Variants in ZNF641 observed in about 807,000 individuals in gnomAD.
ZNF641 encodes the protein zinc finger protein 641.
In ZNF641, 26 loss-of-function variants were observed where a neutral mutation model predicts 46.2. The ratio of observed to expected loss-of-function variants is 0.56; its 90% CI spans 0.41 to 0.78. The LOEUF is 0.78. Ranked by LOEUF, ZNF641 falls within the 30% of genes least tolerant of loss-of-function variation. The probability of loss-of-function intolerance (pLI) is 0.00; values close to 1 mark genes in which losing one functional copy is unlikely to be tolerated. For synonymous variants in ZNF641, 163 were observed against 187.9 expected (o/e 0.87, Z 1.09); for missense variants, 469 against 517.8 (o/e 0.91, Z 0.91).
chr12:48,342,760 TC>T lies in ZNF641; in HGVS notation c.*212del. 7.1e-7 allele frequency: 1 copy of T among 1,399,134 alleles called. No individual in the cohort carries two copies. The highest frequency in any genetic ancestry group is 9.3e-7 in the Non-Finnish European group (1 of 1,079,420). The allele number at this position is 1,399,134 out of a possible 1,614,324, so 86.7% of individuals were successfully genotyped here. A position where few individuals can be genotyped will look rare whatever the true frequency, so the allele number is the denominator to read the frequency against. On this transcript the variant is annotated 3_prime_UTR_variant, in exon 6 of 6. Coordinates refer to ENST00000547026, the MANE Select transcript of ZNF641 (RefSeq NM_001172681.2). Reference sequence around the variant, plus strand: ...ATCAGCCCATGTAGGATGCATTGCTTCCCAAAAGTTTTGCCCAAAGAACTCT... The same window carrying T: ...ATCAGCCCATGTAGGATGCATTGCTTCCAAAAGTTTTGCCCAAAGAACTCT...
In ZNF641 at chr12:48,339,925, G is replaced by A. The variant is rs749938538; in HGVS notation, c.*3048C>T. ...GGGATTCTTTGAAAGATACTATGTT[G>A]GGGTGGAAAGGGGAGGATACTCAGA... On this transcript the variant is annotated 3_prime_UTR_variant, in exon 6 of 6. Transcript: ENST00000547026. 58 of 984,712 alleles carry A rather than the reference G, an allele frequency of 5.9e-5. No individual in the cohort carries two copies. The highest frequency in any genetic ancestry group is 6.8e-5 in the Non-Finnish European group (56 of 829,370). The allele number at this position is 984,712 out of a possible 1,614,324, so 61.0% of individuals were successfully genotyped here.
rs1392479995 is a variant in ZNF641 at position 48,350,889 on chromosome 12, A to G, written c.-129T>C. ...CTGGGAGCCGGCGGCCGGCGGAGCC[A>G]GCGACAGGCGGAGACGGCGGCCCGG... On this transcript the variant is annotated 5_prime_UTR_variant, in exon 1 of 6. Coordinates refer to ENST00000547026, the MANE Select transcript of ZNF641 (RefSeq NM_001172681.2). 1.0e-6 allele frequency: 1 copy of G among 984,374 alleles called. No individual in the cohort carries two copies. Among genetic ancestry groups the G allele is most frequent in the Non-Finnish European group, 1.2e-6 (1 of 829,370 alleles). 61.0% of individuals were successfully genotyped at this position (984,374 alleles called of 1,614,324 possible).
At chr12:48,346,822 C>A (rs1387140625) in intron 3 of ZNF641, among the ~76,000 whole-genome samples, 1 of 152,088 alleles carries the variant, frequency 6.6e-6, no homozygotes, top group East Asian at 1.9e-4. Context: ...ACCAGCCTGG[C>A]CAACGTGGCA....
downstream of ZNF641, among the ~76,000 whole-genome samples, chr12:48,336,706 C>G (rs573847874): frequency 1.8e-4 from 27 of 152,198 alleles, no homozygotes; most frequent in Admixed American, 1.3e-4. Flanking sequence ...AAACATGCCT[C>G]TAAGGGGTCA....
At position 48,340,624 on chromosome 12, in the gene ZNF641, C is replaced by G. The variant is rs1952697001; in HGVS notation, c.*2349G>C. ...TGACCATTTTAGATCGGGGAACTCC[C>G]TTTCTTTGAAGGCAGTTTAGGGATT... is the stretch of plus-strand genomic sequence containing the variant. On this transcript the variant is annotated 3_prime_UTR_variant, in exon 6 of 6. Coordinates refer to ENST00000547026, the MANE Select transcript of ZNF641 (RefSeq NM_001172681.2). The G allele has an allele frequency of 2.0e-6, 2 of 985,332 alleles. No homozygotes were observed. Among genetic ancestry groups the G allele is most frequent in the African/African-American group, 1.7e-5 (1 of 57,244 alleles). The allele number at this position is 985,332 out of a possible 1,614,324, so 61.0% of individuals were successfully genotyped here.
Position 48,350,861 on chromosome 12 carries a change from C to A in ZNF641, c.-101G>T, listed in dbSNP as rs1228843275. 3 of 985,014 alleles carry A rather than the reference C, an allele frequency of 3.0e-6. No homozygotes were observed. The South Asian group carries it at 1.4e-4, about 46-fold the overall frequency. 61.0% of individuals were successfully genotyped at this position (985,014 alleles called of 1,614,324 possible). ...GCCCCTCCCCTCCGCCCTCCGCTTG[C>A]GTCTGGGAGCCGGCGGCCGGCGGAG... On this transcript the variant is annotated 5_prime_UTR_variant, in exon 1 of 6. Coordinates refer to ENST00000547026, the MANE Select transcript of ZNF641 (RefSeq NM_001172681.2).
At position 48,345,587 on chromosome 12, in the gene ZNF641, A is replaced by G. The variant is rs994391239; in HGVS notation, c.277-113T>C. ...AGGGTGAGAAATGATCTGAGAAAAG[A>G]GCTGCCCAGAAGTCCCTGGGTAGGG... On this transcript the variant is annotated intron_variant, in intron 3 of 5. Transcript: ENST00000547026. The G allele has an allele frequency of 5.0e-6, 7 of 1,393,822 alleles. No homozygotes were observed. In the South Asian group the frequency reaches 6.5e-5, roughly 13 times the overall value. The allele number at this position is 1,393,822 out of a possible 1,614,324, so 86.3% of individuals were successfully genotyped here.
intron 1 of ZNF641, among the ~76,000 whole-genome samples, chr12:48,348,760 A>C (rs1952950969): frequency 6.6e-6 from 1 of 152,218 alleles, no homozygotes; most frequent in Non-Finnish European, 1.5e-5. Context: ...AGGTGTTAAG[A>C]CTCCAAAGTA....
chr12:48,343,601 G>C lies in ZNF641; in HGVS notation c.647C>G (p.Pro216Arg). 1 of 1,605,206 alleles carries C rather than the reference G, an allele frequency of 6.2e-7. No homozygotes were observed. The highest frequency in any genetic ancestry group is 1.1e-5 in the South Asian group (1 of 90,104). ...CAGGAGCATTCCTCTGGAGCTGCTG[G>C]GCATGGAATCCCAGCTCTCATCATG... The part of the protein sequence containing the change: ...PEHDESWDSM[P>R]SSSRGMLLGP... Residue 216 changes from proline (P) to arginine (R), a missense_variant, in exon 6 of 6, where the codon CCC becomes CGC. Pro to Arg is a moderately radical substitution (Grantham distance 103, BLOSUM62 -2). Around this residue, in one of 3 missense-constraint regions of ZNF641, gnomAD observed 346 missense variants for 354.0 expected, o/e 0.98. Transcript: ENST00000547026.
At chr12:48,337,064 G>A (rs1483770192), downstream of ZNF641, 1 of 152,262 alleles carries the variant, frequency 6.6e-6, no homozygotes, top group African/African-American at 2.4e-5. Flanking sequence ...AGTGAGACGA[G>A]TTCGTTCTCA....
In ZNF641 at chr12:48,339,438, T is replaced by G. The variant is rs903399593; in HGVS notation, c.*3535A>C. 6 of 152,220 alleles carry G rather than the reference T, an allele frequency of 3.9e-5. No individual in the cohort carries two copies. 9.4% of individuals were successfully genotyped at this position (152,220 alleles called of 1,614,324 possible). ...TCTCCTGGGGCGGGGGCTAAGAATT[T>G]GCATTTCAAACAAGTTTCCAGGTGA... On this transcript the variant is annotated 3_prime_UTR_variant, in exon 6 of 6. Transcript: ENST00000547026.
At chr12:48,344,788 A>G in intron 4 of ZNF641, 76 bp from the exon 5 acceptor site, 2 of 906,980 alleles carry the variant, frequency 2.2e-6, no homozygotes, top group South Asian at 3.3e-5. Flanking sequence ...AAAATACAAA[A>G]AACTGTTTCC....
rs1952619199 is a variant in ZNF641, at chr12:48,337,354, TG to T, written c.*5618del. ...GTGGGCATTCATCCCCAAAGTTTCC[TG>T]GAAGAGGATGCCCAGGTGCCTGGTG... is the stretch of plus-strand genomic sequence containing the variant. On this transcript the variant is annotated 3_prime_UTR_variant, in exon 6 of 6. Transcript: ENST00000547026. The T allele has an allele frequency of 6.6e-6, 1 of 152,200 alleles. No homozygotes were observed. Among genetic ancestry groups the T allele is most frequent in the Admixed American group, 6.5e-5 (1 of 15,274 alleles). 9.4% of individuals were successfully genotyped at this position (152,200 alleles called of 1,614,324 possible). A position where few individuals can be genotyped will look rare whatever the true frequency, so the allele number is the denominator to read the frequency against.
chr12:48,344,192 A>G (rs1251381101), intron 5 of ZNF641, among the ~76,000 whole-genome samples: 1 of 152,238 alleles, frequency 6.6e-6, no homozygotes, highest in Non-Finnish European at 1.5e-5. Flanking sequence ...CACTGGCTGA[A>G]TGACACCTGT....
chr12:48,340,280 G>A lies in ZNF641; in HGVS notation c.*2693C>T. ...TGCCTTTCAGCTGGGTGCTATACTTGCACCTAACTCTGGGGGCTTCACTTT... is the reference window on the plus strand; with the variant it reads ...TGCCTTTCAGCTGGGTGCTATACTTACACCTAACTCTGGGGGCTTCACTTT... On this transcript the variant is annotated 3_prime_UTR_variant, in exon 6 of 6. Transcript: ENST00000547026. 1.0e-6 allele frequency: 1 copy of A among 985,426 alleles called. No homozygotes were observed. Among genetic ancestry groups the A allele is most frequent in the Non-Finnish European group, 1.2e-6 (1 of 829,942 alleles). 61.0% of individuals were successfully genotyped at this position (985,426 alleles called of 1,614,324 possible).
In ZNF641 at chr12:48,340,367, G is replaced by A. The variant is rs577173533; in HGVS notation, c.*2606C>T. 17 of 985,312 alleles carry A rather than the reference G, an allele frequency of 1.7e-5. No individual in the cohort carries two copies. Among genetic ancestry groups the A allele is most frequent in the African/African-American group, 8.7e-5 (5 of 57,222 alleles). The allele number at this position is 985,312 out of a possible 1,614,324, so 61.0% of individuals were successfully genotyped here. ...ATGTTAACATGTAGTTATAAGGGGC[G>A]TGATCTAATAGTAAGGAATATCACT... On this transcript the variant is annotated 3_prime_UTR_variant, in exon 6 of 6. Transcript: ENST00000547026.
At position 48,344,803 on chromosome 12, in the gene ZNF641, G is replaced by A. The variant is rs564461248; in HGVS notation, c.407-91C>T. The A allele has an allele frequency of 3.2e-4, 248 of 773,596 alleles. 3 individuals carry two copies. The South Asian group carries it at 4.4e-3, about 14-fold the overall frequency. 47.9% of individuals were successfully genotyped at this position (773,596 alleles called of 1,614,324 possible). ...AAAATACAAAAAACTGTTTCCTATT[G>A]TTTGGAACTCTAGACAAAAGAAGGT... On this transcript the variant is annotated intron_variant, in intron 4 of 5. Transcript: ENST00000547026.
Position 48,340,610 on chromosome 12 carries a change from G to C in ZNF641, c.*2363C>G, listed in dbSNP as rs1445275209. The stretch of plus-strand genomic sequence containing the variant: ...ACACAAATATATAATGACCATTTTA[G>C]ATCGGGGAACTCCCTTTCTTTGAAG... On this transcript the variant is annotated 3_prime_UTR_variant, in exon 6 of 6. Transcript: ENST00000547026. 2 of 985,298 alleles carry C rather than the reference G, an allele frequency of 2.0e-6. No homozygotes were observed. The highest frequency in any genetic ancestry group is 3.5e-5 in the African/African-American group (2 of 57,224). The allele number at this position is 985,298 out of a possible 1,614,324, so 61.0% of individuals were successfully genotyped here. A position where few individuals can be genotyped will look rare whatever the true frequency, so the allele number is the denominator to read the frequency against.
Position 48,339,588 on chromosome 12 carries a change from T to G in ZNF641, c.*3385A>C, listed in dbSNP as rs1332165551. ...GATCTAAAGGAATGGATTTCACTTT[T>G]CTGATATTGCCCAGCCCCACCCACT... On this transcript the variant is annotated 3_prime_UTR_variant, in exon 6 of 6. Coordinates refer to ENST00000547026, the MANE Select transcript of ZNF641 (RefSeq NM_001172681.2). 6.6e-6 allele frequency: 1 copy of G among 152,236 alleles called. No individual in the cohort carries two copies. The highest frequency in any genetic ancestry group is 2.4e-5 in the African/African-American group (1 of 41,438). The allele number at this position is 152,236 out of a possible 1,614,324, so 9.4% of individuals were successfully genotyped here.
Sources: allele counts gnomAD v4.1 joint callset (sites outside exome capture counted in the v4.1 genomes callset), GRCh38; gene constraint gnomAD v4.1.1; regional missense constraint gnomAD v4.1.1; transcripts MANE v1.5; gene names NCBI Gene and HGNC (gene_info 2026-07-23, HGNC 2026-07-21).